ESRRB: variants seen among roughly 807,000 people sequenced by gnomAD.
ESRRB encodes estrogen related receptor beta.
In ESRRB, 16 loss-of-function variants were observed where a neutral mutation model predicts 46.0. That is an observed-to-expected ratio of 0.35 (90% CI 0.24 to 0.53). The LOEUF (loss-of-function observed/expected upper bound fraction) is 0.53. ESRRB is among the 20% of genes least tolerant of loss of function. ESRRB has a pLI of 0.93. For missense variants in ESRRB, 488 were observed against 607.4 expected (o/e 0.80, Z 2.07); for synonymous variants, 246 against 259.6 (o/e 0.95, Z 0.50).
At chr14:76,448,179 C>T (rs965486737) in intron 2 of ESRRB, among the ~76,000 whole-genome samples, 3 of 152,144 alleles carry the variant, frequency 2.0e-5, no homozygotes, top group Admixed American at 6.5e-5. Context: ...GAAGGCTTCT[C>T]TGATTCTCTC....
chr14:76,490,414 C>G (rs751627539), intron 5 of ESRRB, among the ~76,000 whole-genome samples: 1 of 152,002 alleles, frequency 6.6e-6, no homozygotes, highest in Admixed American at 6.5e-5. Flanking sequence ...GCAGTGAGAA[C>G]TTTCATCTCA....
chr14:76,351,644 G>C (rs1216063365), intron 1 of ESRRB, among the ~76,000 whole-genome samples: 1 of 152,178 alleles, frequency 6.6e-6, no homozygotes, highest in East Asian at 1.9e-4. Context: ...ACCCATAACA[G>C]CCATCAGTAT....
At chr14:76,374,555 C>T (rs1176505280), upstream of ESRRB, among the ~76,000 whole-genome samples, 1 of 152,074 alleles carries the variant, frequency 6.6e-6, no homozygotes, top group Non-Finnish European at 1.5e-5. Context: ...CAAATCGCTC[C>T]CTGGCTGCTG....
In ESRRB at chr14:76,500,244, A is replaced by T. The variant is rs1051488445; in HGVS notation, c.*1786A>T. 1 of 616,762 alleles carries T rather than the reference A, an allele frequency of 1.6e-6. No homozygotes were observed. Among genetic ancestry groups the T allele is most frequent in the Non-Finnish European group, 2.8e-6 (1 of 351,472 alleles). The allele number at this position is 616,762 out of a possible 1,614,324, so 38.2% of individuals were successfully genotyped here. ...TCTCTGATGGTGTCCCACACAGAAAATGTTAAGGATTTCAAGAGCCCTCCC... is the reference window on the plus strand; with the variant it reads ...TCTCTGATGGTGTCCCACACAGAAATTGTTAAGGATTTCAAGAGCCCTCCC... On this transcript the variant is annotated 3_prime_UTR_variant, in exon 7 of 7. Coordinates refer to ENST00000644823, the MANE Select transcript of ESRRB (RefSeq NM_001379180.1).
intron 2 of ESRRB, among the ~76,000 whole-genome samples, chr14:76,460,983 G>C (rs1888832251): frequency 1.3e-5 from 2 of 152,088 alleles, no homozygotes; most frequent in South Asian, 4.1e-4. Context: ...TGGATTACAG[G>C]CATGAGCCAC....
At chr14:76,405,096 T>C (rs1303337302) in intron 1 of ESRRB, among the ~76,000 whole-genome samples, 1 of 152,124 alleles carries the variant, frequency 6.6e-6, no homozygotes, top group African/African-American at 2.4e-5. Flanking sequence ...TTTGTTTTTG[T>C]CTTTGTTTGT....
At chr14:76,401,630 A>G (rs1394492446) in intron 1 of ESRRB, among the ~76,000 whole-genome samples, 1 of 152,212 alleles carries the variant, frequency 6.6e-6, no homozygotes, top group African/African-American at 2.4e-5. Flanking sequence ...ATACCATTGT[A>G]TTACAATTAC....
chr14:76,347,208 C>A (rs929398805), intron 1 of ESRRB, among the ~76,000 whole-genome samples: 1 of 152,130 alleles, frequency 6.6e-6, no homozygotes, highest in Non-Finnish European at 1.5e-5. Flanking sequence ...GGAGTCCAGA[C>A]CCTAGACTAG....
At chr14:76,385,115 C>G (rs1364120201) in intron 1 of ESRRB, among the ~76,000 whole-genome samples, 1 of 151,776 alleles carries the variant, frequency 6.6e-6, no homozygotes, top group Admixed American at 6.6e-5. Flanking sequence ...AGAAGCAGCT[C>G]TGCTTCACCT....
chr14:76,452,411 G>A (rs1290180824), intron 2 of ESRRB, among the ~76,000 whole-genome samples: 1 of 151,796 alleles, frequency 6.6e-6, no homozygotes, highest in Admixed American at 6.6e-5. Flanking sequence ...TAGATTACTT[G>A]AGGTCAGGAG....
rs28624256 is a variant in ESRRB at position 76,415,365 on chromosome 14, A to T, written c.51-23976A>T. 3.4e-3 allele frequency among the ~76,000 whole-genome samples: 520 copies of T among 152,234 alleles called. 2 individuals carry two copies. Among genetic ancestry groups the T allele is most frequent in the African/African-American group, 0.012 (494 of 41,546 alleles). On this transcript the variant is annotated intron_variant, in intron 1 of 6. Transcript: ENST00000644823. ...AAATTGTTTTAAAACTTTTTATATCAAATAGAGATAGGATGGCCGGGCACA... is the reference window on the plus strand; with the variant it reads ...AAATTGTTTTAAAACTTTTTATATCTAATAGAGATAGGATGGCCGGGCACA...
chr14:76,416,581 TG>T (rs1886713175), intron 1 of ESRRB, among the ~76,000 whole-genome samples: 1 of 152,096 alleles, frequency 6.6e-6, no homozygotes, highest in African/African-American at 2.4e-5. Flanking sequence ...GCAATTCTCC[TG>T]CCCCAGCCTC....
intron 1 of ESRRB, among the ~76,000 whole-genome samples, chr14:76,401,820 CTG>C (rs202199176): frequency 0.035 from 5,289 of 152,180 alleles, 119 homozygotes; most frequent in Middle Eastern, 0.082. Flanking sequence ...CAATGGATGA[CTG>C]TGTGTGTATA....
At chr14:76,465,783 C>A (rs909392138) in intron 3 of ESRRB, among the ~76,000 whole-genome samples, 2 of 152,240 alleles carry the variant, frequency 1.3e-5, no homozygotes, top group South Asian at 2.1e-4. Flanking sequence ...CTCCCTCCCC[C>A]ACTCCCCGCC....
At chr14:76,391,179 T>C (rs925247181) in intron 1 of ESRRB, among the ~76,000 whole-genome samples, 1 of 152,016 alleles carries the variant, frequency 6.6e-6, no homozygotes, top group Admixed American at 6.5e-5. Context: ...AAGGTAAGAT[T>C]TGGTCTGCAG....
chr14:76,383,572 T>C (rs2139805110), intron 1 of ESRRB, among the ~76,000 whole-genome samples: 1 of 152,328 alleles, frequency 6.6e-6, no homozygotes, highest in African/African-American at 2.4e-5. Flanking sequence ...TTTGTCTTCA[T>C]TTTTTCCCCT....
At chr14:76,458,458 AC>A (rs1888711146) in intron 2 of ESRRB, among the ~76,000 whole-genome samples, 2 of 82,908 alleles carry the variant, frequency 2.4e-5, no homozygotes, top group South Asian at 6.3e-4. Flanking sequence ...ACACACACAC[AC>A]ACACACACAC....
chr14:76,334,867 C>T (rs1424015841), intron 1 of ESRRB, among the ~76,000 whole-genome samples: 4 of 152,186 alleles, frequency 2.6e-5, no homozygotes, highest in Non-Finnish European at 5.9e-5. Flanking sequence ...TGACCATCTC[C>T]TTAGGGTTTC....
In ESRRB at chr14:76,318,017, G is replaced by C. The variant is rs1318023003; in HGVS notation, c.2+7101G>C. On this transcript the variant is annotated intron_variant, in intron 1 of 6. Transcript: ENST00000512784. Reference sequence around the variant, plus strand: ...TGTCCTCACCTTCCCCTGTCTATAAGCACCTCTAGGGGTTAGTGGAAAACT... The same window carrying C: ...TGTCCTCACCTTCCCCTGTCTATAACCACCTCTAGGGGTTAGTGGAAAACT... Among the ~76,000 whole-genome samples the C allele has an allele frequency of 2.0e-5, 3 of 152,140 alleles. No individual in the cohort carries two copies. The South Asian group carries it at 6.2e-4, about 31-fold the overall frequency.
Sources: gnomAD v4.1 joint callset for allele counts (sites outside exome capture counted in the v4.1 genomes callset) on GRCh38, gnomAD v4.1.1 for gene constraint, MANE v1.5 for transcripts, NCBI Gene and HGNC (gene_info 2026-07-23, HGNC 2026-07-21) for gene names.